BLTP1: variants seen among roughly 807,000 people sequenced by gnomAD.
The protein encoded by BLTP1 is fragile site-associated protein.
At chr4:122,306,592 G>A in the BLTP1 span, 4 of 982,444 alleles carry the variant, frequency 4.1e-6, no homozygotes, top group Admixed American at 1.2e-4. Flanking sequence ...GGGAGATAAG[G>A]AAATGAAATT....
the BLTP1 span, chr4:122,346,918 T>C: frequency 1.1e-6 from 1 of 899,958 alleles, no homozygotes; most frequent in Non-Finnish European, 1.3e-6. Flanking sequence ...CCACAAGGGA[T>C]ATATTAGCAC....
the BLTP1 span, chr4:122,257,307 C>G: frequency 6.2e-7 from 1 of 1,613,804 alleles, no homozygotes; most frequent in East Asian, 2.2e-5. Flanking sequence ...GTTGCACTGG[C>G]AAGGCAGTGG....
the BLTP1 span, among the ~76,000 whole-genome samples, chr4:122,303,075 T>C: frequency 6.6e-6 from 1 of 152,206 alleles, no homozygotes; most frequent in African/African-American, 2.4e-5. Flanking sequence ...GCTAGGACTT[T>C]CACAGCTAGA....
the BLTP1 span, among the ~76,000 whole-genome samples, chr4:122,179,555 T>G: frequency 6.6e-6 from 1 of 152,138 alleles, no homozygotes; most frequent in African/African-American, 2.4e-5. Flanking sequence ...CTCAGGAGTA[T>G]TTTATGTGGC....
the BLTP1 span, chr4:122,224,423 G>T: frequency 3.4e-6 from 5 of 1,459,834 alleles, no homozygotes; most frequent in Non-Finnish European, 4.6e-6. Flanking sequence ...TCTGCAGGGG[G>T]TGTGGGGGGA....
the BLTP1 span, among the ~76,000 whole-genome samples, chr4:122,195,220 T>A: frequency 6.6e-6 from 1 of 152,228 alleles, no homozygotes; most frequent in Non-Finnish European, 1.5e-5. Context: ...ATAGATTTTA[T>A]AATCATAACA....
At chr4:122,325,910 AT>A in the BLTP1 span, 1 of 1,067,146 alleles carries the variant, frequency 9.4e-7, no homozygotes, top group Non-Finnish European at 1.3e-6. Flanking sequence ...GGGGAAGGGT[AT>A]TTTCAGGTAC....
the BLTP1 span, among the ~76,000 whole-genome samples, chr4:122,316,118 A>T: frequency 6.6e-6 from 1 of 151,756 alleles, no homozygotes; most frequent in Non-Finnish European, 1.5e-5. Context: ...TTTCAAAGCA[A>T]AGTGCATATA....
At chr4:122,246,961 A>G in the BLTP1 span, 2 of 1,375,934 alleles carry the variant, frequency 1.5e-6, no homozygotes, top group Non-Finnish European at 1.9e-6. Flanking sequence ...TTTATAGATT[A>G]GTAACATATG....
the BLTP1 span, among the ~76,000 whole-genome samples, chr4:122,236,532 G>A: frequency 1.3e-5 from 2 of 152,182 alleles, no homozygotes; most frequent in Admixed American, 1.3e-4. Flanking sequence ...CTGTCAGTGA[G>A]ACTGAGTTGC....
the BLTP1 span, among the ~76,000 whole-genome samples, chr4:122,245,699 G>A: frequency 1.3e-5 from 2 of 151,988 alleles, no homozygotes; most frequent in African/African-American, 4.8e-5. Flanking sequence ...CTTAGAGTAG[G>A]GACCAGAAGA....
At chr4:122,304,318 TCTC>T in the BLTP1 span, among the ~76,000 whole-genome samples, 1 of 152,090 alleles carries the variant, frequency 6.6e-6, no homozygotes. Flanking sequence ...TTCAAGCTAT[TCTC>T]CTGCCTCAGC....
chr4:122,244,694 T>G, the BLTP1 span: 1 of 874,326 alleles, frequency 1.1e-6, no homozygotes, highest in Non-Finnish European at 1.4e-6. Flanking sequence ...AGCACATAAT[T>G]TTCTTCGATA....
At chr4:122,353,788 A>T in the BLTP1 span, 14 of 1,596,946 alleles carry the variant, frequency 8.8e-6, no homozygotes, top group Admixed American at 1.7e-5. This position sits in a 1 kb window ranked among gnomAD's most constrained non-coding sequence, Gnocchi z 4.3. Flanking sequence ...TTATTACTTT[A>T]AAAAAGTATT....
At chr4:122,190,080 G>GTATTGT in the BLTP1 span, 1 of 1,612,560 alleles carries the variant, frequency 6.2e-7, no homozygotes, top group African/African-American at 1.3e-5. Flanking sequence ...GATGAGCCAG[G>GTATTGT]TATTGTTGTT....
the BLTP1 span, chr4:122,328,531 AT>A: frequency 2.0e-6 from 1 of 498,760 alleles, no homozygotes; most frequent in Non-Finnish European, 2.6e-6. Context: ...CACATGGTTT[AT>A]TGTGATGTAG....
the BLTP1 span, among the ~76,000 whole-genome samples, chr4:122,294,976 G>C: frequency 1.3e-5 from 2 of 152,122 alleles, no homozygotes; most frequent in East Asian, 1.9e-4. Context: ...GCACTCACAA[G>C]TATCAACAGC....
At chr4:122,348,457 A>C in the BLTP1 span, 8 of 875,808 alleles carry the variant, frequency 9.1e-6, no homozygotes, top group African/African-American at 1.4e-4. Flanking sequence ...ATTCTAATAC[A>C]AGAATATTAT....
chr4:122,308,220 C>A, the BLTP1 span: 4 of 1,561,786 alleles, frequency 2.6e-6, no homozygotes, highest in Non-Finnish European at 3.5e-6. Context: ...ATAACCATTT[C>A]TAAGTATTTA....
Sources: allele counts gnomAD v4.1 joint callset (sites outside exome capture counted in the v4.1 genomes callset), GRCh38; gene constraint gnomAD v4.1.1; non-coding constraint Gnocchi (gnomAD v3.1); transcripts MANE v1.5; gene names NCBI Gene and HGNC (gene_info 2026-07-23, HGNC 2026-07-21).